The following RNF13 variants were observed in gnomAD, a reference collection of about 807,000 sequenced individuals.
The protein encoded by RNF13 is E3 ubiquitin-protein ligase RNF13.
Under a neutral mutation model 37.7 loss-of-function variants are expected in RNF13, and 19 were observed. The ratio of observed to expected loss-of-function variants is 0.50; its 90% CI spans 0.35 to 0.74. The LOEUF (loss-of-function observed/expected upper bound fraction) is 0.74, where lower values mean the gene tolerates loss of function less well. Among genes scored for constraint, RNF13 ranks in the 30% least tolerant of loss-of-function variants. The pLI is 0.01. For synonymous variants in RNF13, 144 were observed against 157.8 expected (o/e 0.91, Z 0.65); for missense variants, 375 against 453.0 (o/e 0.83, Z 1.56).
At chr3:149,936,951 C>G (rs1300116858) in intron 8 of RNF13, among the ~76,000 whole-genome samples, 2 of 152,140 alleles carry the variant, frequency 1.3e-5, no homozygotes, top group African/African-American at 4.8e-5. Flanking sequence ...CTTTCACAAA[C>G]GTTCGGCGCA....
intron 1 of RNF13, among the ~76,000 whole-genome samples, chr3:149,832,211 T>C (rs1721128842): frequency 6.6e-6 from 1 of 152,202 alleles, no homozygotes; most frequent in South Asian, 2.1e-4. Flanking sequence ...GTTCTTGAGA[T>C]GCCAGTGAAG....
intron 3 of RNF13, among the ~76,000 whole-genome samples, chr3:149,856,288 A>G (rs1723641154): frequency 6.6e-6 from 1 of 152,220 alleles, no homozygotes; most frequent in Non-Finnish European, 1.5e-5. Context: ...AATGCCAGCC[A>G]TGCAAAGATT....
intron 8 of RNF13, among the ~76,000 whole-genome samples, chr3:149,958,295 G>A (rs1722055647): frequency 6.6e-6 from 1 of 152,176 alleles, no homozygotes; most frequent in Admixed American, 6.5e-5. Context: ...GAGGTTCCAG[G>A]GAAGAATCCA....
intron 7 of RNF13, chr3:149,917,356 C>T (rs1717643615): frequency 6.6e-6 from 1 of 152,158 alleles, no homozygotes; most frequent in South Asian, 2.1e-4. Context: ...TTCTATTGCT[C>T]AATAAAAAAT....
intron 8 of RNF13, among the ~76,000 whole-genome samples, chr3:149,947,303 G>A (rs1720859449): frequency 6.6e-6 from 1 of 150,554 alleles, no homozygotes; most frequent in African/African-American, 2.5e-5. Flanking sequence ...CAAGTCATCT[G>A]TGTCTTCTGT....
chr3:149,937,326 T>C (rs1339222880), intron 8 of RNF13, among the ~76,000 whole-genome samples: 1 of 152,160 alleles, frequency 6.6e-6, no homozygotes, highest in Admixed American at 6.5e-5. Context: ...ATAGGAACCG[T>C]AAGTCTTGGG....
At chr3:149,934,657 C>CTTTTTTTTTTTTTTTTT (rs765637115) in intron 8 of RNF13, among the ~76,000 whole-genome samples, 1 of 143,408 alleles carries the variant, frequency 7.0e-6, no homozygotes, top group Non-Finnish European at 1.5e-5. Context: ...TTCAAAGTTC[C>CTTTTTTTTTTTTTTTTT]TTTTTTTTTT....
chr3:149,817,858 C>A (rs896460204), intron 1 of RNF13, among the ~76,000 whole-genome samples: 16 of 152,102 alleles, frequency 1.1e-4, no homozygotes, highest in South Asian at 6.2e-4. Context: ...CACAGAGATC[C>A]CAGAACCTAT....
At chr3:149,867,900 TTTAA>T (rs2108432940) in intron 3 of RNF13, among the ~76,000 whole-genome samples, 1 of 152,038 alleles carries the variant, frequency 6.6e-6, no homozygotes, top group South Asian at 2.1e-4. Context: ...GATAGTACTT[TTTAA>T]TTCGTTGCTT....
intron 1 of RNF13, among the ~76,000 whole-genome samples, chr3:149,826,725 C>T (rs911302315): frequency 6.6e-6 from 1 of 152,154 alleles, no homozygotes; most frequent in African/African-American, 2.4e-5. Context: ...CCAGAGCTTA[C>T]ATGATTCAGC....
At chr3:149,932,572 A>G (rs762629029) in intron 8 of RNF13, among the ~76,000 whole-genome samples, 9 of 152,238 alleles carry the variant, frequency 5.9e-5, no homozygotes, top group Non-Finnish European at 1.3e-4. Flanking sequence ...GGAATTGGCC[A>G]AAAGAAAGGG....
chr3:149,897,568 A>G (rs2108495012), intron 5 of RNF13, among the ~76,000 whole-genome samples: 1 of 152,316 alleles, frequency 6.6e-6, no homozygotes, highest in Middle Eastern at 3.4e-3. Flanking sequence ...TTGTTGTTCA[A>G]AGACTGCTCA....
chr3:149,946,081 A>G (rs1720746669), intron 8 of RNF13, among the ~76,000 whole-genome samples: 1 of 152,230 alleles, frequency 6.6e-6, no homozygotes, highest in Admixed American at 6.5e-5. Flanking sequence ...GACTTTGACA[A>G]GTTGAGAGAA....
intron 8 of RNF13, among the ~76,000 whole-genome samples, chr3:149,930,629 G>T (rs917614110): frequency 9.2e-5 from 14 of 152,132 alleles, no homozygotes; most frequent in African/African-American, 3.4e-4. Flanking sequence ...AAATTGTAAA[G>T]AATTTGGGTA....
At chr3:149,880,663 T>C (rs2108460173) in intron 4 of RNF13, among the ~76,000 whole-genome samples, 1 of 152,318 alleles carries the variant, frequency 6.6e-6, no homozygotes, top group South Asian at 2.1e-4. Context: ...TTTTATGTTA[T>C]TCATTTTATT....
At chr3:149,831,605 G>A (rs548122543) in intron 1 of RNF13, among the ~76,000 whole-genome samples, 35 of 152,222 alleles carry the variant, frequency 2.3e-4, no homozygotes, top group South Asian at 1.0e-3. Flanking sequence ...GCTCATAGGC[G>A]GAACGGACTT....
chr3:149,945,055 A>G (rs1347773965), intron 8 of RNF13, among the ~76,000 whole-genome samples: 1 of 152,206 alleles, frequency 6.6e-6, no homozygotes, highest in Non-Finnish European at 1.5e-5. Context: ...AGCACCATTT[A>G]TTAAATAGGG....
intron 4 of RNF13, among the ~76,000 whole-genome samples, chr3:149,887,026 T>C (rs529532022): frequency 6.6e-6 from 1 of 152,302 alleles, no homozygotes; most frequent in African/African-American, 2.4e-5. Flanking sequence ...GAATATACTT[T>C]GTGTGATTTC....
At chr3:149,852,706 C>A in intron 3 of RNF13, 110 bp downstream of exon 3, 1 of 490,734 alleles carries the variant, frequency 2.0e-6, no homozygotes, top group Non-Finnish European at 3.5e-6. Context: ...TATTATAAAG[C>A]CTATATATAG....
Sources: gnomAD v4.1 joint callset for allele counts (sites outside exome capture counted in the v4.1 genomes callset) on GRCh38, gnomAD v4.1.1 for gene constraint, MANE v1.5 for transcripts, NCBI Gene and HGNC (gene_info 2026-07-23, HGNC 2026-07-21) for gene names.